The following CDH13 variants were observed in gnomAD, a reference collection of about 807,000 sequenced individuals.
CDH13 encodes cadherin-13.
A neutral mutation model predicts 63.8 loss-of-function variants in CDH13; 24 were observed. The ratio of observed to expected loss-of-function variants is 0.38; its 90% CI spans 0.27 to 0.53. CDH13 has a LOEUF of 0.53. Among genes scored for constraint, CDH13 ranks in the 20% least tolerant of loss-of-function variants. The pLI is 0.85. For synonymous variants in CDH13, 503 were observed against 355.3 expected, an observed-to-expected ratio of 1.42 and a Z score of -4.67; for missense variants, 1,049 against 903.1, an observed-to-expected ratio of 1.16 and a Z score of -2.07.
At chr16:82,642,131 G>A (rs940547906) in intron 1 of CDH13, among the ~76,000 whole-genome samples, 13 of 147,780 alleles carry the variant, frequency 8.8e-5, no homozygotes, top group Admixed American at 6.8e-5. Context: ...TGGCAAATGT[G>A]TGTTCACTAG....
Position 83,260,032 on chromosome 16 carries a change from C to G in CDH13, c.636+42535C>G, listed in dbSNP as rs564874195. On this transcript the variant is annotated intron_variant, in intron 5 of 13. Coordinates refer to ENST00000567109, the MANE Select transcript of CDH13 (RefSeq NM_001257.5). ...GGTAATAGTCAAAGATGAGGACTTT[C>G]AAACTTTTTGGCAGGTTCTCACAGT... Among the ~76,000 whole-genome samples the G allele has an allele frequency of 1.1e-3, 155 of 147,530 alleles. 2 individuals are homozygous for G. Among genetic ancestry groups the G allele is most frequent in the Non-Finnish European group, 7.9e-4 (53 of 67,118 alleles).
At chr16:82,804,081 A>T (rs1025704383) in intron 1 of CDH13, among the ~76,000 whole-genome samples, 1 of 145,196 alleles carries the variant, frequency 6.9e-6, no homozygotes, top group African/African-American at 2.7e-5. Flanking sequence ...TATAAAAATT[A>T]GCTGGGCGTG....
chr16:82,705,528 G>A (rs188143378), intron 1 of CDH13, among the ~76,000 whole-genome samples: 2 of 152,298 alleles, frequency 1.3e-5, no homozygotes, highest in Non-Finnish European at 2.9e-5. Context: ...GCTCATTTGA[G>A]CAGTAGGAAT....
rs539733093 is a variant in CDH13, at chr16:83,444,075, T to C, written c.782-42402T>C. ...CTGATGATGACTGTGATGATCATCA[T>C]GGCAAAGATGACAATAGTGAGGTTG... On this transcript the variant is annotated intron_variant, in intron 6 of 13. Coordinates refer to ENST00000567109, the MANE Select transcript of CDH13 (RefSeq NM_001257.5). Among the ~76,000 whole-genome samples the C allele has an allele frequency of 1.1e-3, 162 of 146,860 alleles. 4 individuals are homozygous for C. Among genetic ancestry groups the C allele is most frequent in the African/African-American group, 3.6e-3 (145 of 40,748 alleles).
At chr16:83,453,756 ATC>A (rs2072946375) in intron 6 of CDH13, among the ~76,000 whole-genome samples, 1 of 470 alleles carries the variant, frequency 2.1e-3, no homozygotes, top group Non-Finnish European at 6.0e-3. Flanking sequence ...TCCACCATGT[ATC>A]TCCACCATGT....
At chr16:82,696,797 T>C (rs1316894463) in intron 1 of CDH13, among the ~76,000 whole-genome samples, 1 of 152,196 alleles carries the variant, frequency 6.6e-6, no homozygotes, top group African/African-American at 2.4e-5. Flanking sequence ...AACATTGCAA[T>C]GAGGTACTTG....
chr16:83,046,180 C>G (rs868863482), intron 3 of CDH13, among the ~76,000 whole-genome samples: 3 of 152,154 alleles, frequency 2.0e-5, no homozygotes, highest in Admixed American at 1.3e-4. Flanking sequence ...CTGGTCCATA[C>G]CCCTTAGAAG....
At chr16:82,797,024 A>G (rs1299777569) in intron 1 of CDH13, among the ~76,000 whole-genome samples, 3 of 152,196 alleles carry the variant, frequency 2.0e-5, no homozygotes, top group Non-Finnish European at 4.4e-5. Flanking sequence ...CACAGTATAC[A>G]TTGCATACGA....
Position 83,384,071 on chromosome 16 carries a change from GTA to G in CDH13, c.781+39067_781+39068del, listed in dbSNP as rs760375427. On this transcript the variant is annotated intron_variant, in intron 6 of 13. Coordinates refer to ENST00000567109, the MANE Select transcript of CDH13 (RefSeq NM_001257.5). The stretch of plus-strand genomic sequence containing the variant: ...GCTTGCACATATGTCTACAACTACT[GTA>G]TCTCTCTGCATTGTTCATACATTAA... 5.9e-5 allele frequency among the ~76,000 whole-genome samples: 9 copies of G among 152,166 alleles called. No individual in the cohort carries two copies. The East Asian group carries it at 1.7e-3, about 29-fold the overall frequency.
intron 5 of CDH13, among the ~76,000 whole-genome samples, chr16:83,225,696 G>A (rs1223597934): frequency 1.3e-5 from 2 of 152,152 alleles, no homozygotes; most frequent in Non-Finnish European, 2.9e-5. Context: ...TGAAAACCCT[G>A]AATGCCCAAG....
At chr16:82,690,506 G>C (rs1351915774) in intron 1 of CDH13, among the ~76,000 whole-genome samples, 1 of 152,166 alleles carries the variant, frequency 6.6e-6, no homozygotes, top group Non-Finnish European at 1.5e-5. Flanking sequence ...CAAGTTTGTA[G>C]ATTAGCCTAA....
intron 3 of CDH13, among the ~76,000 whole-genome samples, chr16:83,049,343 T>TTG (rs2030018620): frequency 1.4e-5 from 2 of 147,900 alleles, no homozygotes. Flanking sequence ...TTTTTTTTTT[T>TTG]TTTGAGACAG....
intron 8 of CDH13, among the ~76,000 whole-genome samples, chr16:83,646,052 G>T (rs1473838250): frequency 6.6e-6 from 1 of 152,148 alleles, no homozygotes; most frequent in African/African-American, 2.4e-5. Flanking sequence ...AGCTGTATGG[G>T]TTGGAGCAGT....
intron 1 of CDH13, among the ~76,000 whole-genome samples, chr16:82,794,971 C>T (rs2036511642): frequency 6.6e-6 from 1 of 152,162 alleles, no homozygotes; most frequent in Non-Finnish European, 1.5e-5. Context: ...TGCATCCTCC[C>T]AGTCCTGAGA....
At chr16:82,701,397 T>C (rs2031009409) in intron 1 of CDH13, among the ~76,000 whole-genome samples, 1 of 152,140 alleles carries the variant, frequency 6.6e-6, no homozygotes, top group Non-Finnish European at 1.5e-5. Context: ...GTGTGCTCCT[T>C]CTTCTCTGGG....
At chr16:83,538,300 C>T (rs1000953694) in intron 7 of CDH13, among the ~76,000 whole-genome samples, 3 of 152,138 alleles carry the variant, frequency 2.0e-5, no homozygotes. Context: ...TTGGTTTACA[C>T]CGTTTCCCAA....
chr16:83,529,568 A>C (rs535674985), intron 7 of CDH13, among the ~76,000 whole-genome samples: 55 of 152,242 alleles, frequency 3.6e-4, no homozygotes, highest in African/African-American at 1.3e-3. Flanking sequence ...TGTGCATGCC[A>C]TTTTTTTGTG....
At chr16:82,720,822 A>C (rs1363221924) in intron 1 of CDH13, among the ~76,000 whole-genome samples, 2 of 152,210 alleles carry the variant, frequency 1.3e-5, no homozygotes, top group African/African-American at 4.8e-5. Flanking sequence ...CATTGCTACA[A>C]GTCACTGAGC....
intron 2 of CDH13, among the ~76,000 whole-genome samples, chr16:83,030,782 A>G (rs1772824599): frequency 6.6e-6 from 1 of 151,976 alleles, no homozygotes. Context: ...GCTACCAGAA[A>G]GCACCATAAC....
Sources: allele counts gnomAD v4.1 joint callset (sites outside exome capture counted in the v4.1 genomes callset), GRCh38; gene constraint gnomAD v4.1.1; transcripts MANE v1.5; gene names NCBI Gene and HGNC (gene_info 2026-07-23, HGNC 2026-07-21).